Variants in NCAM1 observed in about 807,000 individuals in gnomAD.
NCAM1 encodes neural cell adhesion molecule 1.
In NCAM1, 14 loss-of-function variants were observed where a neutral mutation model predicts 109.8. That is an observed-to-expected ratio of 0.13 (90% CI 0.08 to 0.20). The LOEUF (loss-of-function observed/expected upper bound fraction) is 0.20, where lower values mean the gene tolerates loss of function less well. Ranked by LOEUF, NCAM1 falls within the 10% of genes least tolerant of loss-of-function variation. NCAM1 has a pLI of 1.00. For missense variants in NCAM1, 774 were observed against 1,109.9 expected (o/e 0.70, Z 4.30); for synonymous variants, 418 against 442.9 (o/e 0.94, Z 0.70).
intron 1 of NCAM1, among the ~76,000 whole-genome samples, chr11:113,140,751 T>A (rs1941785740): frequency 1.3e-5 from 2 of 152,216 alleles, no homozygotes; most frequent in African/African-American, 4.8e-5. Flanking sequence ...GTAAGTAACT[T>A]TTGCGTGTTC....
intron 1 of NCAM1, among the ~76,000 whole-genome samples, chr11:113,045,009 C>T (rs1555080558): frequency 6.6e-6 from 1 of 152,158 alleles, no homozygotes; most frequent in Admixed American, 6.5e-5. Flanking sequence ...CCGCCTCGGC[C>T]TCCCAAAGTG....
At chr11:113,176,047 G>A (rs897361728) in intron 1 of NCAM1, among the ~76,000 whole-genome samples, 6 of 152,116 alleles carry the variant, frequency 3.9e-5, no homozygotes, top group African/African-American at 1.4e-4. Context: ...AAGAATGTGG[G>A]TAGTTGGTCA....
chr11:113,087,189 C>A (rs1211473169), intron 1 of NCAM1, among the ~76,000 whole-genome samples: 1 of 152,204 alleles, frequency 6.6e-6, no homozygotes, highest in Non-Finnish European at 1.5e-5. Flanking sequence ...GTTGGTAATG[C>A]ATATGAGAAT....
chr11:113,207,343 C>A lies in NCAM1; in HGVS notation c.711C>A (p.Ala237=). ...LGQSVTLVCD[A]EGFPEPTMSW... ...AGTCCGTCACCCTGGTGTGCGATGCCGAAGGCTTCCCAGAGCCCACCATGA... is the reference window on the plus strand; with the variant it reads ...AGTCCGTCACCCTGGTGTGCGATGCAGAAGGCTTCCCAGAGCCCACCATGA... Residue 237 remains alanine (A), a synonymous_variant, in exon 6 of 20, where the codon GCC becomes GCA. Coordinates refer to ENST00000316851, the MANE Select transcript of NCAM1 (RefSeq NM_181351.5). 1 of 1,613,982 alleles carries A rather than the reference C, an allele frequency of 6.2e-7. No homozygotes were observed. Among genetic ancestry groups the A allele is most frequent in the Non-Finnish European group, 8.5e-7 (1 of 1,179,888 alleles).
rs782761878 is a variant in NCAM1, at chr11:112,961,441, T to G, written c.-172T>G. The G allele has an allele frequency of 3.9e-6, 3 of 766,902 alleles. No individual in the cohort carries two copies. The Admixed American group carries it at 5.2e-5, about 13-fold the overall frequency. 47.5% of individuals were successfully genotyped at this position (766,902 alleles called of 1,614,324 possible). A position where few individuals can be genotyped will look rare whatever the true frequency, so the allele number is the denominator to read the frequency against. ...TGTCACTCATTCTCCGATCAGCGCGTGAACGCAGCTCGGCTGCCGCTGGCA... is the reference window on the plus strand; with the variant it reads ...TGTCACTCATTCTCCGATCAGCGCGGGAACGCAGCTCGGCTGCCGCTGGCA... On this transcript the variant is annotated 5_prime_UTR_variant, in exon 1 of 20. Coordinates refer to ENST00000316851, the MANE Select transcript of NCAM1 (RefSeq NM_181351.5).
rs1420880845 is a variant in NCAM1 at position 113,011,124 on chromosome 11, C to T, written c.52+49460C>T. Among the ~76,000 whole-genome samples, 5 of 128,822 alleles carry T rather than the reference C, an allele frequency of 3.9e-5. No individual in the cohort carries two copies. The South Asian group carries it at 9.0e-4, about 23-fold the overall frequency. The allele number at this position is 128,822 out of a possible 152,430, so 84.5% of individuals were successfully genotyped here. Reference sequence around the variant, plus strand: ...CTATCCCTCCCCCCTCCCCCCACCCCACCACAGTCCCCAGAGTGTGATATT... The same window carrying T: ...CTATCCCTCCCCCCTCCCCCCACCCTACCACAGTCCCCAGAGTGTGATATT... On this transcript the variant is annotated intron_variant, in intron 1 of 19. Transcript: ENST00000316851.
intron 1 of NCAM1, among the ~76,000 whole-genome samples, chr11:112,987,042 T>C (rs1197880887): frequency 6.6e-6 from 1 of 152,200 alleles, no homozygotes; most frequent in Non-Finnish European, 1.5e-5. Context: ...GTTATAAGTT[T>C]TCCTTATGGA....
At chr11:113,011,487 G>A (rs376466180) in intron 1 of NCAM1, among the ~76,000 whole-genome samples, 5 of 152,038 alleles carry the variant, frequency 3.3e-5, no homozygotes, top group Admixed American at 1.3e-4. Flanking sequence ...CAGTAATGGG[G>A]TGGCTGGGTC....
intron 18 of NCAM1, among the ~76,000 whole-genome samples, chr11:113,270,916 C>CT (rs1364033437): frequency 3.3e-5 from 5 of 152,188 alleles, no homozygotes; most frequent in African/African-American, 9.7e-5. Context: ...CCAACAGCAT[C>CT]TTGGAGAAAC....
intron 1 of NCAM1, among the ~76,000 whole-genome samples, chr11:113,021,042 C>A (rs1952368461): frequency 6.6e-6 from 1 of 152,192 alleles, no homozygotes; most frequent in South Asian, 2.1e-4. Context: ...CAGGCATGAG[C>A]CACCGCACCC....
intron 1 of NCAM1, among the ~76,000 whole-genome samples, chr11:113,106,104 A>G (rs1940147627): frequency 6.6e-6 from 1 of 152,194 alleles, no homozygotes; most frequent in Admixed American, 6.5e-5. Context: ...AACAAATATT[A>G]TCTGAAAAAA....
intron 1 of NCAM1, among the ~76,000 whole-genome samples, chr11:113,079,861 T>C (rs1938708556): frequency 1.3e-5 from 2 of 152,174 alleles, no homozygotes; most frequent in South Asian, 4.1e-4. Flanking sequence ...TATTTCGAGA[T>C]TGGCATATTA....
At chr11:112,999,301 G>A (rs2134954513) in intron 1 of NCAM1, among the ~76,000 whole-genome samples, 1 of 152,204 alleles carries the variant, frequency 6.6e-6, no homozygotes. Context: ...TCATTTTGTA[G>A]CTGTGTCAAT....
chr11:113,072,400 A>C (rs187224079), intron 1 of NCAM1, among the ~76,000 whole-genome samples: 1 of 152,316 alleles, frequency 6.6e-6, no homozygotes, highest in Admixed American at 6.5e-5. Flanking sequence ...GTTTATTTTC[A>C]GTTGCCTAGG....
At position 113,270,199 on chromosome 11, in the gene NCAM1, C is replaced by A; in HGVS notation, c.2143C>A (p.Pro715Thr). The change falls in exon 18 of 20, where the codon CCC becomes ACC. Residue 715 changes from proline (P) to threonine (T), a missense_variant. By Grantham distance (38) the Pro-to-Thr change is conservative. Transcript: ENST00000316851. ...QPTAIPANGSPTSGLSTGAIV... is the reference protein window; with the variant it reads ...QPTAIPANGSTTSGLSTGAIV... ...CTCTCCCACTCAAGCCAACGGCAGCCCCACCTCAGGCCTGAGCACCGGGGC... is the reference window on the plus strand; with the variant it reads ...CTCTCCCACTCAAGCCAACGGCAGCACCACCTCAGGCCTGAGCACCGGGGC... 1 of 1,613,980 alleles carries A rather than the reference C, an allele frequency of 6.2e-7. No individual in the cohort carries two copies. Among genetic ancestry groups the A allele is most frequent in the Non-Finnish European group, 8.5e-7 (1 of 1,179,892 alleles).
intron 1 of NCAM1, among the ~76,000 whole-genome samples, chr11:113,161,943 C>T (rs782564881): frequency 5.3e-5 from 8 of 152,154 alleles, no homozygotes; most frequent in Non-Finnish European, 8.8e-5. Flanking sequence ...GAAACCTTGG[C>T]TTGGATCGCT....
intron 1 of NCAM1, among the ~76,000 whole-genome samples, chr11:113,019,530 C>T (rs1303250657): frequency 6.6e-6 from 1 of 152,164 alleles, no homozygotes. Flanking sequence ...CCTTTCCTGG[C>T]TCCTTTCCTC....
intron 1 of NCAM1, among the ~76,000 whole-genome samples, chr11:113,141,609 A>G (rs10891513): frequency 0.12 from 18,660 of 152,202 alleles, 1,267 homozygotes; most frequent in East Asian, 0.26. Context: ...AGATTGTGCC[A>G]CTGCACTCCA....
At chr11:113,237,850 G>C (rs1490702563) in intron 14 of NCAM1, among the ~76,000 whole-genome samples, 1 of 144,230 alleles carries the variant, frequency 6.9e-6, no homozygotes. Context: ...TTGCAAAGGT[G>C]AGACCATATA....
Sources: gnomAD v4.1 joint callset for allele counts (sites outside exome capture counted in the v4.1 genomes callset) on GRCh38, gnomAD v4.1.1 for gene constraint, MANE v1.5 for transcripts, NCBI Gene and HGNC (gene_info 2026-07-23, HGNC 2026-07-21) for gene names.